The following ARHGAP42 variants were observed in gnomAD, a reference collection of about 807,000 sequenced individuals.
ARHGAP42 encodes rho GTPase-activating protein 42.
A neutral mutation model predicts 125.0 loss-of-function variants in ARHGAP42; 63 were observed. The observed-to-expected ratio is 0.50, with a 90% CI of 0.41 to 0.62. ARHGAP42 has a LOEUF of 0.62. Ranked by LOEUF, ARHGAP42 falls within the 20% of genes least tolerant of loss-of-function variation. The pLI is 0.00. For missense variants in ARHGAP42, 766 were observed against 1,024.2 expected (o/e 0.75, Z 3.44); for synonymous variants, 339 against 351.0 (o/e 0.97, Z 0.38).
At chr11:100,975,535 T>C (rs1858367295) in intron 19 of ARHGAP42, among the ~76,000 whole-genome samples, 1 of 152,106 alleles carries the variant, frequency 6.6e-6, no homozygotes, top group Non-Finnish European at 1.5e-5. Flanking sequence ...CCTTTGAAAA[T>C]TGAGGTACTT....
At chr11:100,938,594 C>T (rs909007736) in intron 8 of ARHGAP42, among the ~76,000 whole-genome samples, 1 of 152,100 alleles carries the variant, frequency 6.6e-6, no homozygotes, top group Non-Finnish European at 1.5e-5. Flanking sequence ...AAGCCATCAC[C>T]ACACTACAAC....
chr11:100,923,388 C>T (rs1360266769), intron 6 of ARHGAP42, among the ~76,000 whole-genome samples: 1 of 152,140 alleles, frequency 6.6e-6, no homozygotes, highest in African/African-American at 2.4e-5. Context: ...GCTGTTGTTT[C>T]TTCTCACACC....
At chr11:100,936,460 C>T (rs188835972) in intron 8 of ARHGAP42, 128 bp downstream of exon 8, 152,551 of 1,250,854 alleles carry the variant, frequency 0.12, 10,424 homozygotes, top group Non-Finnish European at 0.14. Flanking sequence ...CTACTTTCCC[C>T]CCACCACAAC....
At chr11:100,791,212 A>C (rs1168272855) in intron 2 of ARHGAP42, among the ~76,000 whole-genome samples, 3 of 152,214 alleles carry the variant, frequency 2.0e-5, no homozygotes. Flanking sequence ...GCTGGGGCAC[A>C]CTAGGCAGTT....
intron 1 of ARHGAP42, among the ~76,000 whole-genome samples, chr11:100,723,721 T>C (rs999890912): frequency 1.3e-5 from 2 of 152,200 alleles, no homozygotes; most frequent in Non-Finnish European, 2.9e-5. Flanking sequence ...CAAAAACTTT[T>C]TTTTTCTTCA....
intron 3 of ARHGAP42, among the ~76,000 whole-genome samples, chr11:100,848,925 T>C (rs1013869779): frequency 6.6e-6 from 1 of 152,158 alleles, no homozygotes; most frequent in Admixed American, 6.6e-5. Context: ...ATTGTACGCA[T>C]CGTGATAAGT....
chr11:100,988,849 TA>T lies in ARHGAP42; in HGVS notation c.*51del. The T allele has an allele frequency of 7.3e-7, 1 of 1,377,682 alleles. No individual in the cohort carries two copies. The highest frequency in any genetic ancestry group is 1.3e-5 in the South Asian group (1 of 78,494). The allele number at this position is 1,377,682 out of a possible 1,614,324, so 85.3% of individuals were successfully genotyped here. On this transcript the variant is annotated 3_prime_UTR_variant, in exon 24 of 24. Transcript: ENST00000298815. ...TCTTCATGGTATCCATGGTAACGAA[TA>T]AATGCTATGATTTTATCTGACACAG...
At chr11:100,708,539 C>CA (rs756755701) in intron 1 of ARHGAP42, among the ~76,000 whole-genome samples, 2 of 151,782 alleles carry the variant, frequency 1.3e-5, no homozygotes, top group Admixed American at 6.6e-5. Context: ...AAAAAACAAA[C>CA]AAAAAATCCC....
intron 1 of ARHGAP42, among the ~76,000 whole-genome samples, chr11:100,764,025 CTT>C (rs772607133): frequency 1.8e-4 from 18 of 101,508 alleles, no homozygotes; most frequent in Admixed American, 1.9e-4. Flanking sequence ...TCTTCTTCTT[CTT>C]TTTTTTTTTT....
At chr11:100,744,216 G>T (rs1028554923) in intron 1 of ARHGAP42, among the ~76,000 whole-genome samples, 1 of 152,112 alleles carries the variant, frequency 6.6e-6, no homozygotes, top group Non-Finnish European at 1.5e-5. Context: ...TGATCCACCC[G>T]CCTCAGCCTC....
chr11:100,790,675 G>A (rs1454425293), intron 2 of ARHGAP42, among the ~76,000 whole-genome samples: 7 of 152,134 alleles, frequency 4.6e-5, no homozygotes, highest in Non-Finnish European at 7.4e-5. Context: ...ATAGATTGTG[G>A]AAATGTATTG....
chr11:100,776,075 C>T (rs946346280), intron 2 of ARHGAP42, among the ~76,000 whole-genome samples: 3 of 151,806 alleles, frequency 2.0e-5, no homozygotes, highest in African/African-American at 4.8e-5. Flanking sequence ...AGGAGAATAG[C>T]TTGAACCTGG....
At chr11:100,984,201 G>A (rs1441538317) in intron 22 of ARHGAP42, among the ~76,000 whole-genome samples, 3 of 151,598 alleles carry the variant, frequency 2.0e-5, no homozygotes, top group Non-Finnish European at 4.4e-5. Context: ...AAACTGTCAT[G>A]GGCAATTTAG....
intron 4 of ARHGAP42, among the ~76,000 whole-genome samples, chr11:100,905,254 A>T (rs573094057): frequency 8.8e-4 from 134 of 152,364 alleles, no homozygotes; most frequent in Non-Finnish European, 1.4e-3. Flanking sequence ...GACAAATGGG[A>T]ATCAATAGCT....
chr11:100,890,094 A>C (rs934790061), intron 4 of ARHGAP42, among the ~76,000 whole-genome samples: 5 of 152,254 alleles, frequency 3.3e-5, no homozygotes, highest in African/African-American at 4.8e-5. Flanking sequence ...GCTGAGGCTT[A>C]GAGGAACTAA....
chr11:100,953,616 T>C (rs1168826638), intron 12 of ARHGAP42, among the ~76,000 whole-genome samples: 1 of 152,164 alleles, frequency 6.6e-6, no homozygotes, highest in East Asian at 1.9e-4. Flanking sequence ...GAGACTAACA[T>C]GCAAAAGTCT....
chr11:100,763,074 G>A (rs980414068), intron 1 of ARHGAP42, among the ~76,000 whole-genome samples: 4 of 143,962 alleles, frequency 2.8e-5, no homozygotes, highest in African/African-American at 1.0e-4. Context: ...CCTCCTCCCA[G>A]GTTCAAGCAA....
intron 3 of ARHGAP42, among the ~76,000 whole-genome samples, chr11:100,813,171 C>CAAGGG (rs1223803045): frequency 4.5e-4 from 69 of 152,054 alleles, no homozygotes; most frequent in Admixed American, 3.7e-3. Context: ...GGTAGGATTT[C>CAAGGG]TCCACCTCAG....
chr11:100,820,455 G>A (rs999863797), intron 3 of ARHGAP42, among the ~76,000 whole-genome samples: 8 of 152,046 alleles, frequency 5.3e-5, no homozygotes, highest in African/African-American at 1.7e-4. Context: ...GAAAAAGAAG[G>A]CATCTCTTCA....
Sources: gnomAD v4.1 joint callset for allele counts (sites outside exome capture counted in the v4.1 genomes callset) on GRCh38, gnomAD v4.1.1 for gene constraint, MANE v1.5 for transcripts, NCBI Gene and HGNC (gene_info 2026-07-23, HGNC 2026-07-21) for gene names.